The following RALY variants were observed in gnomAD, a reference collection of about 807,000 sequenced individuals.
RALY encodes RNA-binding protein Raly.
Under a neutral mutation model 30.7 loss-of-function variants are expected in RALY, and 15 were observed. That is an observed-to-expected ratio of 0.49 (90% CI 0.33 to 0.75). The LOEUF is 0.75. Among genes scored for constraint, RALY ranks in the 30% least tolerant of loss-of-function variants. RALY has a pLI of 0.02. For synonymous variants in RALY, 177 were observed against 170.8 expected, an observed-to-expected ratio of 1.04 and a Z score of -0.28; for missense variants, 339 against 414.3, an observed-to-expected ratio of 0.82 and a Z score of 1.58.
chr20:34,015,781 A>G (rs1372766164), intron 1 of RALY, among the ~76,000 whole-genome samples: 3 of 152,094 alleles, frequency 2.0e-5, no homozygotes, highest in African/African-American at 7.2e-5. Context: ...ACAGGTGTAT[A>G]GGCCACACAG....
intron 3 of RALY, among the ~76,000 whole-genome samples, chr20:34,072,850 G>GT (rs1419068522): frequency 1.3e-5 from 2 of 152,150 alleles, no homozygotes; most frequent in African/African-American, 4.8e-5. Flanking sequence ...ATCTGTATGT[G>GT]TTTTTTCCTG....
At chr20:34,042,372 G>C (rs945168289) in intron 2 of RALY, among the ~76,000 whole-genome samples, 2 of 152,218 alleles carry the variant, frequency 1.3e-5, no homozygotes, top group African/African-American at 4.8e-5. Flanking sequence ...CAAGGTCACA[G>C]AGTGAATTAG....
At chr20:34,063,081 C>T (rs1211251961) in intron 2 of RALY, among the ~76,000 whole-genome samples, 1 of 152,212 alleles carries the variant, frequency 6.6e-6, no homozygotes, top group South Asian at 2.1e-4. Flanking sequence ...CATATTCATC[C>T]TACCTCTGTC....
intron 2 of RALY, among the ~76,000 whole-genome samples, chr20:34,032,450 A>G (rs901026818): frequency 1.3e-5 from 2 of 152,278 alleles, no homozygotes; most frequent in Non-Finnish European, 2.9e-5. Context: ...AGGAAAATCA[A>G]CGCATTAAGA....
intron 5 of RALY, 66 bp from the exon 6 acceptor site, chr20:34,075,808 G>C: frequency 6.6e-7 from 1 of 1,516,886 alleles, no homozygotes; most frequent in South Asian, 1.2e-5. Flanking sequence ...GTTTGTAGCC[G>C]GAGCTGCAAT....
At chr20:34,059,399 C>G (rs1382199244) in intron 2 of RALY, among the ~76,000 whole-genome samples, 3 of 152,180 alleles carry the variant, frequency 2.0e-5, no homozygotes, top group African/African-American at 7.2e-5. Flanking sequence ...GTGCCTCTGT[C>G]TAGGAAGACC....
intron 2 of RALY, among the ~76,000 whole-genome samples, chr20:34,068,050 A>G (rs1364015683): frequency 6.6e-6 from 1 of 152,122 alleles, no homozygotes; most frequent in Non-Finnish European, 1.5e-5. Flanking sequence ...TATAAGCTCC[A>G]TGTGCACACA....
intron 1 of RALY, among the ~76,000 whole-genome samples, chr20:34,030,740 T>C (rs1352014469): frequency 6.6e-6 from 1 of 152,224 alleles, no homozygotes; most frequent in Non-Finnish European, 1.5e-5. Context: ...GTGTCTCTTG[T>C]ATGTACCTCA....
intron 2 of RALY, among the ~76,000 whole-genome samples, chr20:34,071,499 G>A (rs1379211238): frequency 6.6e-6 from 1 of 151,868 alleles, no homozygotes; most frequent in Non-Finnish European, 1.5e-5. Context: ...GGCTGGTTTC[G>A]AACTCCTGAC....
At chr20:34,027,024 C>T (rs2032069526) in intron 1 of RALY, among the ~76,000 whole-genome samples, 1 of 152,100 alleles carries the variant, frequency 6.6e-6, no homozygotes, top group African/African-American at 2.4e-5. Flanking sequence ...GACCCAAGAC[C>T]CATATGACAG....
chr20:34,072,891 T>C (rs375257428), intron 3 of RALY, among the ~76,000 whole-genome samples: 26 of 152,162 alleles, frequency 1.7e-4, no homozygotes, highest in African/African-American at 5.5e-4. Flanking sequence ...ACTGAACATG[T>C]GGAGATATGT....
intron 2 of RALY, among the ~76,000 whole-genome samples, chr20:34,032,676 A>G (rs1485207499): frequency 6.6e-6 from 1 of 151,996 alleles, no homozygotes; most frequent in East Asian, 1.9e-4. Flanking sequence ...ACCTCATTTT[A>G]TAGATGAGGA....
chr20:34,054,583 C>G (rs1019928419), intron 2 of RALY, among the ~76,000 whole-genome samples: 1 of 152,094 alleles, frequency 6.6e-6, no homozygotes, highest in Non-Finnish European at 1.5e-5. Flanking sequence ...CCCAGCACTT[C>G]GGGAGGCTGA....
intron 1 of RALY, among the ~76,000 whole-genome samples, chr20:33,996,472 A>G (rs2030635676): frequency 6.6e-6 from 1 of 152,206 alleles, no homozygotes; most frequent in African/African-American, 2.4e-5. Flanking sequence ...AGAGCAACCT[A>G]TGAATTAAGT....
In RALY at chr20:34,050,930, T is replaced by C. The variant is rs1314083956; in HGVS notation, c.-10+19326T>C. On this transcript the variant is annotated intron_variant, in intron 2 of 9. Transcript: ENST00000246194. ...AAGCAGATTGGCAATTTAGTGTGAG[T>C]CTGTCAGACAGCCTAGAGAGTAATC... 3.3e-5 allele frequency among the ~76,000 whole-genome samples: 5 copies of C among 152,126 alleles called. No individual in the cohort carries two copies. In the East Asian group the frequency reaches 9.6e-4, roughly 29 times the overall value.
intron 5 of RALY, 116 bp downstream of exon 5, chr20:34,073,982 C>G: frequency 3.4e-6 from 4 of 1,193,576 alleles, no homozygotes; most frequent in Non-Finnish European, 4.8e-6. Context: ...AGAGGTTTGC[C>G]TGGGGTTGCT....
chr20:34,036,731 TTC>T (rs2032510468), intron 2 of RALY, among the ~76,000 whole-genome samples: 1 of 152,228 alleles, frequency 6.6e-6, no homozygotes, highest in African/African-American at 2.4e-5. Flanking sequence ...TACTTAGATT[TTC>T]TCTTTCTTTT....
intron 2 of RALY, among the ~76,000 whole-genome samples, chr20:34,044,947 C>G (rs1012578778): frequency 2.6e-5 from 4 of 152,176 alleles, no homozygotes; most frequent in Admixed American, 2.6e-4. Flanking sequence ...GGGTTTCACT[C>G]TGTCACCCAG....
At position 34,048,700 on chromosome 20, in the gene RALY, C is replaced by CA. The variant is rs34067684; in HGVS notation, c.-10+17102dup. ...TGAAACTCCATCTCCACTAAAAATA[C>CA]AAAAAATTAGCCGGGCGTGGTGGCG... On this transcript the variant is annotated intron_variant, in intron 2 of 9. Transcript: ENST00000246194. 2.2e-3 allele frequency among the ~76,000 whole-genome samples: 336 copies of CA among 151,236 alleles called. 1 individual carries two copies. The highest frequency in any genetic ancestry group is 4.1e-3 in the Non-Finnish European group (276 of 67,718).
Sources: gnomAD v4.1 joint callset for allele counts (sites outside exome capture counted in the v4.1 genomes callset) on GRCh38, gnomAD v4.1.1 for gene constraint, MANE v1.5 for transcripts, NCBI Gene and HGNC (gene_info 2026-07-23, HGNC 2026-07-21) for gene names.